Variants in GTF3C3 observed in about 807,000 individuals in gnomAD.
GTF3C3 encodes the protein general transcription factor IIIC subunit 3.
In GTF3C3, 75 loss-of-function variants were observed where a neutral mutation model predicts 105.2. That is an observed-to-expected ratio of 0.71 (90% CI 0.59 to 0.86). The LOEUF is 0.86. Among genes scored for constraint, GTF3C3 ranks in the 40% least tolerant of loss-of-function variants. The pLI, the probability that GTF3C3 is intolerant of heterozygous loss-of-function variation, is 0.00. For missense variants in GTF3C3, 856 were observed against 1,076.5 expected (o/e 0.80, Z 2.87); for synonymous variants, 335 against 370.4 (o/e 0.90, Z 1.10).
chr2:196,780,813 T>C, intron 8 of GTF3C3, 151 bp from the exon 9 acceptor site: 1 of 887,898 alleles, frequency 1.1e-6, no homozygotes, highest in South Asian at 2.4e-5. Context: ...TATATCTCTC[T>C]CAGTCTGTCC....
intron 8 of GTF3C3, chr2:196,784,642 A>G (rs1314677052): frequency 1.1e-5 from 2 of 174,234 alleles, no homozygotes; most frequent in African/African-American, 4.8e-5. Flanking sequence ...TCAAATGGAC[A>G]TACAGGGACT....
rs1264619315 is a variant in GTF3C3 at position 196,773,694 on chromosome 2, T to C, written c.1832-541A>G. 3 of 435,156 alleles carry C rather than the reference T, an allele frequency of 6.9e-6. No individual in the cohort carries two copies. In the Admixed American group the frequency reaches 7.2e-5, roughly 10 times the overall value. The allele number at this position is 435,156 out of a possible 1,614,324, so 27.0% of individuals were successfully genotyped here. Reference sequence around the variant, plus strand: ...CATAATGTAGAATCAGTGGGAGCCCTGAGCTTGTTTTCCTGCAACTAGACA... The same window carrying C: ...CATAATGTAGAATCAGTGGGAGCCCCGAGCTTGTTTTCCTGCAACTAGACA... On this transcript the variant is annotated intron_variant, in intron 13 of 17. Coordinates refer to ENST00000263956, the MANE Select transcript of GTF3C3 (RefSeq NM_012086.5).
chr2:196,793,173 G>A lies in GTF3C3; in HGVS notation c.215-21C>T, dbSNP rs371525979. 9.8e-6 allele frequency: 15 copies of A among 1,526,206 alleles called. No individual in the cohort carries two copies. The Admixed American group carries it at 2.9e-4, about 29-fold the overall frequency. 94.5% of individuals were successfully genotyped at this position (1,526,206 alleles called of 1,614,324 possible). ...TTCTCCTGAGAAAAGAGACATTGAT[G>A]GGGGAGGGGTGGGGAAGCTGCAGAA... On this transcript the variant is annotated intron_variant, in intron 2 of 17. Transcript: ENST00000263956.
chr2:196,774,483 C>T (rs1347692349), intron 13 of GTF3C3, among the ~76,000 whole-genome samples: 2 of 152,118 alleles, frequency 1.3e-5, no homozygotes, highest in Admixed American at 1.3e-4. Flanking sequence ...CCTGGTACAC[C>T]AGTGTAATGT....
At chr2:196,766,185 C>T (rs1161100835) in intron 17 of GTF3C3, among the ~76,000 whole-genome samples, 1 of 152,028 alleles carries the variant, frequency 6.6e-6, no homozygotes, top group Non-Finnish European at 1.5e-5. Flanking sequence ...CAACACTTTA[C>T]CCTATCTTAA....
chr2:196,766,033 A>G (rs932530285), intron 17 of GTF3C3, among the ~76,000 whole-genome samples: 1 of 147,034 alleles, frequency 6.8e-6, no homozygotes, highest in African/African-American at 2.6e-5. Flanking sequence ...AAAAAAAAAA[A>G]TTGTGAGGGA....
At position 196,776,511 on chromosome 2, in the gene GTF3C3, C is replaced by G; in HGVS notation, c.1509G>C (p.Leu503=). 6.2e-7 allele frequency: 1 copy of G among 1,614,170 alleles called. No homozygotes were observed. The highest frequency in any genetic ancestry group is 8.5e-7 in the Non-Finnish European group (1 of 1,180,022). The change falls in exon 11 of 18, where the codon CTG becomes CTC. Residue 503 remains leucine, a synonymous_variant. Coordinates refer to ENST00000263956, the MANE Select transcript of GTF3C3 (RefSeq NM_012086.5). The surrounding 1 kb of genome is among the most constrained non-coding windows in gnomAD (Gnocchi z 4.5). ...RISLSTLQQQ[L]GQPEKALEAL... ...CTTCCAGAGCTTTCTCAGGCTGGCC[C>G]AGCTGCTGCTGAAGGGTAGAAAGTG...
rs967456456 is a variant in GTF3C3, at chr2:196,764,594, T to A, written c.2630A>T (p.Gln877Leu). 1.4e-5 allele frequency: 23 copies of A among 1,613,916 alleles called. No homozygotes were observed. The highest frequency in any genetic ancestry group is 1.9e-5 in the Non-Finnish European group (23 of 1,179,912). Residue 877 changes from glutamine (Q) to leucine (L), a missense_variant, in exon 18 of 18, where the codon CAA becomes CTA. Physicochemically the swap from Gln to Leu is moderately radical, Grantham distance 113 (BLOSUM62 -2). Around this residue, in one of 3 missense-constraint regions of GTF3C3, gnomAD observed 134 missense variants for 128.9 expected, o/e 1.04. Coordinates refer to ENST00000263956, the MANE Select transcript of GTF3C3 (RefSeq NM_012086.5). ...AGAACAATAGGTATACAAAAGCGTT[T>A]GAGCCATTCCGGTATTCCCACTGCT... ...YQSSGNTGMA[Q>L]TLLYTYCSI is the part of the protein sequence containing the mutation.
Position 196,799,657 on chromosome 2 carries a change from C to T in GTF3C3, c.-46G>A, listed in dbSNP as rs767438099. 5 of 1,396,736 alleles carry T rather than the reference C, an allele frequency of 3.6e-6. No individual in the cohort carries two copies. The highest frequency in any genetic ancestry group is 1.2e-5 in the South Asian group (1 of 86,326). 86.5% of individuals were successfully genotyped at this position (1,396,736 alleles called of 1,614,324 possible). On this transcript the variant is annotated 5_prime_UTR_variant, in exon 1 of 18. Transcript: ENST00000263956. Reference sequence around the variant, plus strand: ...CAACCCCAGGAACCGGGACAGAGAACCGGAAGAGCAGCGCCTTCCAGAAGC... The same window carrying T: ...CAACCCCAGGAACCGGGACAGAGAATCGGAAGAGCAGCGCCTTCCAGAAGC...
chr2:196,781,356 AAAT>A (rs1293503265), intron 8 of GTF3C3, among the ~76,000 whole-genome samples: 5 of 54,502 alleles, frequency 9.2e-5, no homozygotes, highest in Admixed American at 2.8e-4. Context: ...AAAAAAAAAA[AAAT>A]ATATATATAT....
chr2:196,787,276 C>T (rs1699469002), intron 6 of GTF3C3, among the ~76,000 whole-genome samples: 1 of 152,156 alleles, frequency 6.6e-6, no homozygotes, highest in Non-Finnish European at 1.5e-5. Context: ...TTCTGCCCTT[C>T]CACTGTTCAA....
At chr2:196,792,839 G>A (rs1179520169) in intron 3 of GTF3C3, 117 bp downstream of exon 3, 3 of 679,204 alleles carry the variant, frequency 4.4e-6, no homozygotes, top group Non-Finnish European at 7.7e-6. Context: ...AACAATAGTT[G>A]TGTCATAGTA....
Position 196,797,907 on chromosome 2 carries a change from C to T in GTF3C3, c.104G>A (p.Ser35Asn), listed in dbSNP as rs775862667. The T allele has an allele frequency of 6.5e-6, 10 of 1,532,198 alleles. No homozygotes were observed. In the African/African-American group the frequency reaches 1.1e-4, roughly 17 times the overall value. 94.9% of individuals were successfully genotyped at this position (1,532,198 alleles called of 1,614,324 possible). Residue 35 changes from serine (S) to asparagine (N), a missense_variant and splice_region_variant, in exon 2 of 18, where the codon AGT becomes AAT. Coordinates refer to ENST00000263956, the MANE Select transcript of GTF3C3 (RefSeq NM_012086.5). Reference protein sequence around the residue: ...REERKTREKKSLQEKGKLSAE... With the variant: ...REERKTREKKNLQEKGKLSAE... ...TGATAACTTGCCTTTTTCCTGAAGACTCTGTGATTGCAAATTAATTAATGA... is the reference window on the plus strand; with the variant it reads ...TGATAACTTGCCTTTTTCCTGAAGATTCTGTGATTGCAAATTAATTAATGA...
chr2:196,765,023 T>C (rs904810318), intron 17 of GTF3C3, among the ~76,000 whole-genome samples: 12 of 152,184 alleles, frequency 7.9e-5, no homozygotes, highest in African/African-American at 1.7e-4. Context: ...CTTTTTATGA[T>C]AGCAAAAGTA....
Position 196,766,716 on chromosome 2 carries a change from C to T in GTF3C3, c.2387G>A (p.Gly796Asp). ...GAGGTATCGATTAAGAAAGGAAAAG[C>T]CCTAACCAAAAAGAAAAAGATAATT... Reference protein sequence around the residue: ...VLRRHALIVQGFSFLNRYLSL... With the variant: ...VLRRHALIVQDFSFLNRYLSL... The change falls in exon 17 of 18, where the codon GGC (glycine) becomes GAC (aspartate). Residue 796 changes from glycine to aspartate, a missense_variant and splice_region_variant. Physicochemically the swap from Gly to Asp is moderately conservative, Grantham distance 94. Around this residue, in one of 3 missense-constraint regions of GTF3C3, gnomAD observed 134 missense variants for 128.9 expected, o/e 1.04. Transcript: ENST00000263956. 1 of 1,606,508 alleles carries T rather than the reference C, an allele frequency of 6.2e-7. No homozygotes were observed. Among genetic ancestry groups the T allele is most frequent in the Non-Finnish European group, 8.5e-7 (1 of 1,176,860 alleles).
chr2:196,793,499 G>C (rs1365845714), intron 2 of GTF3C3, among the ~76,000 whole-genome samples: 1 of 152,168 alleles, frequency 6.6e-6, no homozygotes, highest in Non-Finnish European at 1.5e-5. Flanking sequence ...AGCCCTGGTG[G>C]TATACGATAG....
chr2:196,783,880 C>G (rs1699411142), intron 8 of GTF3C3, among the ~76,000 whole-genome samples: 1 of 152,168 alleles, frequency 6.6e-6, no homozygotes, highest in Non-Finnish European at 1.5e-5. Context: ...GTAGTCTCCA[C>G]ACACCTAGCA....
intron 13 of GTF3C3, 56 bp from the exon 14 acceptor site, chr2:196,773,209 A>G (rs887794039): frequency 4.1e-6 from 4 of 966,012 alleles, no homozygotes; most frequent in Non-Finnish European, 6.4e-6. Context: ...AAATAGCAGT[A>G]TTAGAAAAAT....
rs1403529636 is a variant in GTF3C3 at position 196,783,227 on chromosome 2, G to C, written c.1114+1630C>G. Among the ~76,000 whole-genome samples, 4 of 128,416 alleles carry C rather than the reference G, an allele frequency of 3.1e-5. No individual in the cohort carries two copies. The Admixed American group carries it at 3.6e-4, about 12-fold the overall frequency. 84.2% of individuals were successfully genotyped at this position (128,416 alleles called of 152,430 possible). On this transcript the variant is annotated intron_variant, in intron 8 of 17. Coordinates refer to ENST00000263956, the MANE Select transcript of GTF3C3 (RefSeq NM_012086.5). ...GAAGCCACTACTTAAACTCTAACCT[G>C]TTGTTGATTTATGTTAATATGTGCC...
Sources: allele counts gnomAD v4.1 joint callset (sites outside exome capture counted in the v4.1 genomes callset), GRCh38; gene constraint gnomAD v4.1.1; regional missense constraint gnomAD v4.1.1; non-coding constraint Gnocchi (gnomAD v3.1); transcripts MANE v1.5; gene names NCBI Gene and HGNC (gene_info 2026-07-23, HGNC 2026-07-21).